Variants in TSNARE1 observed in about 807,000 individuals in gnomAD.
TSNARE1 encodes the protein t-SNARE domain containing 1, also known as t-SNARE domain-containing protein 1.
TSNARE1 carries 49 observed loss-of-function variants against 62.0 expected under a neutral mutation model. The observed-to-expected ratio is 0.79, with a 90% confidence interval of 0.63 to 1.00. The LOEUF (loss-of-function observed/expected upper bound fraction) is 1.00. TSNARE1 is among the 50% of genes least tolerant of loss of function. The probability of loss-of-function intolerance (pLI) is 0.00; values close to 1 mark genes in which losing one functional copy is unlikely to be tolerated. For missense variants in TSNARE1, 755 were observed against 700.1 expected (o/e 1.08, Z -0.88); for synonymous variants, 328 against 294.4 (o/e 1.11, Z -1.17).
chr8:142,331,930 C>T (rs1831110924), intron 4 of TSNARE1, 99 bp from the exon 5 acceptor site: 19 of 1,217,680 alleles, frequency 1.6e-5, no homozygotes, highest in Non-Finnish European at 2.1e-5. Flanking sequence ...GGGCAGGGAC[C>T]CGACAGGCAG....
At chr8:142,369,973 G>A (rs1835810978) in intron 1 of TSNARE1, among the ~76,000 whole-genome samples, 1 of 152,138 alleles carries the variant, frequency 6.6e-6, no homozygotes, top group Admixed American at 6.5e-5. Context: ...CCAACATGAT[G>A]GTGTTAGGAG....
chr8:142,368,903 G>A (rs1835741178), intron 1 of TSNARE1, among the ~76,000 whole-genome samples: 1 of 152,208 alleles, frequency 6.6e-6, no homozygotes, highest in African/African-American at 2.4e-5. Flanking sequence ...AAGGGGCAGA[G>A]CACCTTCCTG....
chr8:142,254,611 C>T (rs912050951), intron 12 of TSNARE1, among the ~76,000 whole-genome samples: 2 of 152,174 alleles, frequency 1.3e-5, no homozygotes, highest in African/African-American at 2.4e-5. Flanking sequence ...TGGCAGAACA[C>T]GCTTCCTCCC....
chr8:142,230,280 G>A (rs1235349365), intron 12 of TSNARE1, among the ~76,000 whole-genome samples: 1 of 152,162 alleles, frequency 6.6e-6, no homozygotes, highest in Non-Finnish European at 1.5e-5. Context: ...AGAGAAAAAC[G>A]GGAGCTTAAA....
chr8:142,257,591 C>A (rs1818648089), intron 12 of TSNARE1, among the ~76,000 whole-genome samples: 1 of 152,168 alleles, frequency 6.6e-6, no homozygotes, highest in Non-Finnish European at 1.5e-5. Flanking sequence ...CTGCAGGGGT[C>A]CAGGCTGACA....
chr8:142,370,366 C>G (rs546285310), intron 1 of TSNARE1, among the ~76,000 whole-genome samples: 1 of 152,262 alleles, frequency 6.6e-6, no homozygotes, highest in South Asian at 2.1e-4. Flanking sequence ...GCCAGAAGTT[C>G]AAGACCAGCC....
intron 1 of TSNARE1, among the ~76,000 whole-genome samples, chr8:142,363,829 C>T (rs983522081): frequency 6.6e-6 from 1 of 152,136 alleles, no homozygotes; most frequent in Admixed American, 6.5e-5. Flanking sequence ...CGCACGCCCT[C>T]GCAAGAGACC....
At chr8:142,353,237 A>G (rs1204129731) in intron 2 of TSNARE1, among the ~76,000 whole-genome samples, 1 of 152,022 alleles carries the variant, frequency 6.6e-6, no homozygotes, top group African/African-American at 2.4e-5. Context: ...TTTCCTTCCT[A>G]GCACTCAAGA....
Position 142,300,518 on chromosome 8 carries a change from G to A in TSNARE1, c.1258C>T (p.Arg420Trp), listed in dbSNP as rs372811762. ...TGCAGGATGGCCTCCTCCCGCAGCCGGATGGCCTCCAGGTCCTCTTCAGTG... is the reference window on the plus strand; with the variant it reads ...TGCAGGATGGCCTCCTCCCGCAGCCAGATGGCCTCCAGGTCCTCTTCAGTG... Reference protein sequence around the residue: ...DITEEDLEAIRLREEAILQME... With the variant: ...DITEEDLEAIWLREEAILQME... Residue 420 changes from arginine (R) to tryptophan (W), a missense_variant, in exon 10 of 14, where the codon CGG becomes TGG. By Grantham distance (101) the Arg-to-Trp change is moderately radical (BLOSUM62 -3). Transcript: ENST00000524325. The A allele has an allele frequency of 1.6e-5, 26 of 1,608,990 alleles. No homozygotes were observed. The Admixed American group carries it at 1.8e-4, about 11-fold the overall frequency.
Position 142,314,363 on chromosome 8 carries a change from T to C in TSNARE1, c.1131+21A>G, listed in dbSNP as rs1294716628. The C allele has an allele frequency of 4.3e-6, 7 of 1,610,662 alleles. No homozygotes were observed. The Admixed American group carries it at 5.0e-5, about 12-fold the overall frequency. ...GCTGTCCCCTAACAGCCACTGACCA[T>C]GGTCAGTACTCGGCACCCACCTGTT... On this transcript the variant is annotated intron_variant, in intron 9 of 13. Transcript: ENST00000524325.
At chr8:142,358,575 T>C (rs1465612214) in intron 1 of TSNARE1, among the ~76,000 whole-genome samples, 1 of 152,042 alleles carries the variant, frequency 6.6e-6, no homozygotes, top group East Asian at 1.9e-4. Flanking sequence ...TTCATTTCGC[T>C]GCATATGGAA....
intron 1 of TSNARE1, among the ~76,000 whole-genome samples, chr8:142,402,318 G>A (rs747376478): frequency 3.3e-5 from 5 of 152,168 alleles, no homozygotes; most frequent in Non-Finnish European, 7.3e-5. Flanking sequence ...CCACACAGCC[G>A]CCACCAGACA....
At chr8:142,227,525 T>C (rs1385353529) in intron 13 of TSNARE1, among the ~76,000 whole-genome samples, 1 of 151,850 alleles carries the variant, frequency 6.6e-6, no homozygotes, top group Non-Finnish European at 1.5e-5. Flanking sequence ...AGGCCCCCCA[T>C]TCTGCCCACA....
chr8:142,386,598 G>C (rs575160804), intron 1 of TSNARE1, among the ~76,000 whole-genome samples: 1 of 152,234 alleles, frequency 6.6e-6, no homozygotes, highest in Non-Finnish European at 1.5e-5. Flanking sequence ...ACTTCACATG[G>C]TATAAGAGAC....
At chr8:142,318,467 G>T in intron 7 of TSNARE1, 77 bp downstream of exon 7, 1 of 1,425,714 alleles carries the variant, frequency 7.0e-7, no homozygotes, top group Non-Finnish European at 9.7e-7. Context: ...CCTGCCTCGT[G>T]TGACATCCCT....
chr8:142,327,231 T>C (rs974261237), intron 6 of TSNARE1, among the ~76,000 whole-genome samples: 40 of 152,350 alleles, frequency 2.6e-4, no homozygotes, highest in Middle Eastern at 6.8e-3. Context: ...AGCTGGTGAA[T>C]GGGTCTGTCC....
intron 1 of TSNARE1, among the ~76,000 whole-genome samples, chr8:142,377,110 C>T (rs1836400435): frequency 1.3e-5 from 2 of 152,226 alleles, no homozygotes; most frequent in African/African-American, 2.4e-5. Context: ...TCCAAGAGCA[C>T]GTCCCCTCAT....
intron 12 of TSNARE1, among the ~76,000 whole-genome samples, chr8:142,266,455 C>G (rs78968951): frequency 6.6e-6 from 1 of 152,158 alleles, no homozygotes; most frequent in Admixed American, 6.5e-5. Flanking sequence ...GATAGAATGT[C>G]TGTATTTTGC....
At chr8:142,370,495 C>G (rs767640727) in intron 1 of TSNARE1, among the ~76,000 whole-genome samples, 1 of 152,054 alleles carries the variant, frequency 6.6e-6, no homozygotes, top group African/African-American at 2.4e-5. Flanking sequence ...TCACTTGCGC[C>G]CAGGAGTTTG....
Sources: allele counts gnomAD v4.1 joint callset (sites outside exome capture counted in the v4.1 genomes callset), GRCh38; gene constraint gnomAD v4.1.1; transcripts MANE v1.5; gene names NCBI Gene and HGNC (gene_info 2026-07-23, HGNC 2026-07-21).